Variants in COBL observed in about 807,000 individuals in gnomAD.
COBL encodes protein cordon-bleu.
Under a neutral mutation model 98.8 loss-of-function variants are expected in COBL, and 51 were observed. The ratio of observed to expected loss-of-function variants is 0.52; its 90% CI spans 0.41 to 0.65. COBL has a LOEUF of 0.65. Among genes scored for constraint, COBL ranks in the 30% least tolerant of loss-of-function variants. The pLI is 0.00. For missense variants in COBL, 1,617 were observed against 1,617.5 expected, an observed-to-expected ratio of 1.00 and a Z score of 0.01; for synonymous variants, 634 against 651.7, an observed-to-expected ratio of 0.97 and a Z score of 0.41.
chr7:51,240,190 G>A (rs535671217), intron 1 of COBL, among the ~76,000 whole-genome samples: 2 of 152,302 alleles, frequency 1.3e-5, no homozygotes, highest in South Asian at 2.1e-4. Flanking sequence ...GACCTAGGAT[G>A]GTGATGAGAA....
chr7:51,149,507 T>C (rs1298261750), intron 5 of COBL, among the ~76,000 whole-genome samples: 2 of 152,226 alleles, frequency 1.3e-5, no homozygotes, highest in African/African-American at 4.8e-5. Context: ...AATAAACTGA[T>C]TTTCTCATTG....
rs113190272 is a variant in COBL, at chr7:51,300,140, CTGTTTTGTTTTGTTTTGTTT to C, written c.41+16433_41+16452del. ...AGAATCAAAACTGAGGTTTGCTTTT[CTGTTTTGTTTTGTTTTGTTT>C]TGTTTTGTTTTGTTTTTTGAGACAG... On this transcript the variant is annotated intron_variant, in intron 1 of 12. Coordinates refer to ENST00000265136, the MANE Select transcript of COBL (RefSeq NM_015198.5). Among the ~76,000 whole-genome samples the C allele has an allele frequency of 2.0e-5, 3 of 148,248 alleles. No homozygotes were observed. In the South Asian group the frequency reaches 6.4e-4, roughly 32 times the overall value.
In COBL at chr7:51,093,583, A is replaced by G. The variant is rs1181531897; in HGVS notation, c.958-8279T>C. Among the ~76,000 whole-genome samples, 3 of 152,234 alleles carry G rather than the reference A, an allele frequency of 2.0e-5. No individual in the cohort carries two copies. The East Asian group carries it at 5.8e-4, about 29-fold the overall frequency. On this transcript the variant is annotated intron_variant, in intron 6 of 12. Transcript: ENST00000265136. ...TCAACATTATTATGAATGCCACAGC[A>G]GGGCTGTATGAGCCAACTATCCCCA...
intron 5 of COBL, among the ~76,000 whole-genome samples, chr7:51,159,248 C>T (rs185107545): frequency 1.6e-4 from 25 of 152,142 alleles, no homozygotes; most frequent in Admixed American, 3.3e-4. Flanking sequence ...GAAGTGGAGC[C>T]GCCAGGAGGC....
At chr7:51,128,324 G>C (rs1459951926) in intron 6 of COBL, among the ~76,000 whole-genome samples, 1 of 152,182 alleles carries the variant, frequency 6.6e-6, no homozygotes, top group Admixed American at 6.5e-5. Flanking sequence ...ACAAGTCATG[G>C]GGAGACATTT....
intron 7 of COBL, among the ~76,000 whole-genome samples, chr7:51,078,929 C>T (rs559427569): frequency 6.6e-6 from 1 of 152,370 alleles, no homozygotes; most frequent in East Asian, 1.9e-4. Flanking sequence ...TGGCTTTCCT[C>T]AGAGTGAGCA....
intron 5 of COBL, among the ~76,000 whole-genome samples, chr7:51,177,164 A>C (rs1372861320): frequency 6.6e-6 from 1 of 152,108 alleles, no homozygotes; most frequent in Non-Finnish European, 1.5e-5. Context: ...GCCTGGGGAC[A>C]CGTGGATGTC....
intron 2 of COBL, among the ~76,000 whole-genome samples, chr7:51,196,240 C>T (rs936995839): frequency 7.9e-5 from 12 of 152,170 alleles, no homozygotes; most frequent in Non-Finnish European, 1.5e-4. Context: ...GCCTCTTCTG[C>T]ATCTTTTGAA....
At chr7:51,204,485 A>G (rs536144451) in intron 2 of COBL, among the ~76,000 whole-genome samples, 1 of 152,228 alleles carries the variant, frequency 6.6e-6, no homozygotes, top group South Asian at 2.1e-4. Context: ...CAACAACAAG[A>G]AAAAACCGTT....
At chr7:51,232,970 G>A (rs1025669016) in intron 1 of COBL, among the ~76,000 whole-genome samples, 23 of 152,120 alleles carry the variant, frequency 1.5e-4, no homozygotes, top group African/African-American at 5.1e-4. Flanking sequence ...GCATTAAATC[G>A]TAGATAACTA....
intron 4 of COBL, among the ~76,000 whole-genome samples, chr7:51,186,703 G>A (rs567803401): frequency 6.6e-6 from 1 of 152,346 alleles, no homozygotes; most frequent in East Asian, 1.9e-4. Context: ...ACAGTGCTGA[G>A]CTGCGCCTAA....
intron 5 of COBL, among the ~76,000 whole-genome samples, chr7:51,167,422 A>G (rs753690102): frequency 6.6e-6 from 1 of 152,142 alleles, no homozygotes; most frequent in Non-Finnish European, 1.5e-5. Flanking sequence ...ACTATAAAAT[A>G]CTGATGAAAG....
chr7:51,255,465 G>A (rs137865483), intron 1 of COBL, among the ~76,000 whole-genome samples: 231 of 152,300 alleles, frequency 1.5e-3, no homozygotes, highest in African/African-American at 5.4e-3. Context: ...CACTTGCAGT[G>A]AGACCAGTTG....
intron 6 of COBL, among the ~76,000 whole-genome samples, chr7:51,097,793 G>A (rs1186685899): frequency 2.0e-5 from 3 of 152,228 alleles, no homozygotes; most frequent in Non-Finnish European, 4.4e-5. Flanking sequence ...GGAGGCCGAG[G>A]CGGGTGGATC....
intron 6 of COBL, 33 bp downstream of exon 6, chr7:51,136,125 T>A (rs766187271): frequency 1.3e-6 from 2 of 1,587,768 alleles, no homozygotes; most frequent in South Asian, 1.2e-5. Context: ...ACTGAAAAGA[T>A]GCTTTGGTTG....
chr7:51,316,017 G>C (rs1373270904), intron 1 of COBL, among the ~76,000 whole-genome samples: 1 of 152,208 alleles, frequency 6.6e-6, no homozygotes, highest in Non-Finnish European at 1.5e-5. Context: ...AGGGAGAGCT[G>C]CTGCCATGAA....
At chr7:51,037,339 T>G (rs1296231872) in intron 8 of COBL, among the ~76,000 whole-genome samples, 1 of 152,160 alleles carries the variant, frequency 6.6e-6, no homozygotes, top group Admixed American at 6.5e-5. Context: ...ATATCTCAAT[T>G]TTACTGACCA....
Position 51,190,929 on chromosome 7 carries a change from A to G in COBL, c.606T>C (p.Ile202=). ...TGGACAGCTCCAGCTCCTCTCCGGC[A>G]ATGTTGTCCCTGAGGAGAACCACGT... ...PEHVVLLRDN[I]AGEELELSKS... is the part of the protein sequence containing the mutation. The change falls in exon 4 of 13, where the codon ATT becomes ATC. Residue 202 remains isoleucine, a synonymous_variant. Transcript: ENST00000265136. The G allele has an allele frequency of 1.2e-6, 2 of 1,614,156 alleles. No homozygotes were observed. Among genetic ancestry groups the G allele is most frequent in the Non-Finnish European group, 1.7e-6 (2 of 1,180,036 alleles).
intron 5 of COBL, among the ~76,000 whole-genome samples, chr7:51,179,014 C>A: frequency 6.6e-6 from 1 of 152,150 alleles, no homozygotes. Context: ...ATTTTGAAAT[C>A]AAGTGTTTCA....
Sources: gnomAD v4.1 joint callset for allele counts (sites outside exome capture counted in the v4.1 genomes callset) on GRCh38, gnomAD v4.1.1 for gene constraint, MANE v1.5 for transcripts, NCBI Gene and HGNC (gene_info 2026-07-23, HGNC 2026-07-21) for gene names.